MREG: variants seen among roughly 807,000 people sequenced by gnomAD.
MREG encodes the protein dilute suppressor protein homolog.
MREG carries 31 observed loss-of-function variants against 28.5 expected under a neutral mutation model. The ratio of observed to expected loss-of-function variants is 1.09; its 90% confidence interval spans 0.82 to 1.47. MREG has a LOEUF of 1.47. Among genes scored for constraint, MREG ranks in the 40% most tolerant of loss-of-function variants. The pLI is 0.00. For synonymous variants in MREG, 106 were observed against 95.2 expected (o/e 1.11, Z -0.66); for missense variants, 256 against 257.4 (o/e 0.99, Z 0.04).
intron 2 of MREG, among the ~76,000 whole-genome samples, chr2:215,975,915 G>A (rs183081073): frequency 3.7e-4 from 57 of 152,214 alleles, no homozygotes; most frequent in African/African-American, 1.3e-3. Flanking sequence ...GTGAAACACT[G>A]TCTCTACTAA....
chr2:216,014,888 A>G (rs1694408267), upstream of MREG, among the ~76,000 whole-genome samples: 1 of 152,196 alleles, frequency 6.6e-6, no homozygotes, highest in Non-Finnish European at 1.5e-5. Flanking sequence ...TGATTTATTC[A>G]ACAAATATTT....
chr2:215,987,758 C>A (rs922452984), intron 2 of MREG, among the ~76,000 whole-genome samples: 1 of 151,936 alleles, frequency 6.6e-6, no homozygotes, highest in African/African-American at 2.4e-5. Context: ...TAAAAATTAG[C>A]CGGGTGTGGT....
chr2:215,988,213 C>A lies in MREG; in HGVS notation c.255+8093G>T, dbSNP rs117158786. ...AGGTACCTGGCTTATCTCATTGGGA[C>A]TGGTTAGACAGTTGGTGCAGCCCAC... On this transcript the variant is annotated intron_variant, in intron 2 of 4. Coordinates refer to ENST00000263268, the MANE Select transcript of MREG (RefSeq NM_018000.3). Among the ~76,000 whole-genome samples, 119 of 152,228 alleles carry A rather than the reference C, an allele frequency of 7.8e-4. No homozygotes were observed. In the East Asian group the frequency reaches 0.019, roughly 24 times the overall value.
In MREG at chr2:215,944,069, GC is replaced by G. The variant is rs1692255684; in HGVS notation, c.*793del. On this transcript the variant is annotated 3_prime_UTR_variant, in exon 5 of 5. Coordinates refer to ENST00000263268, the MANE Select transcript of MREG (RefSeq NM_018000.3). ...ATCTCGGCTCACTGTAACCTCCACT[GC>G]CCGGGCTCAAGCGATTCTCCTACCT... 7.7e-6 allele frequency: 1 copy of G among 130,646 alleles called. No homozygotes were observed. The highest frequency in any genetic ancestry group is 2.9e-5 in the African/African-American group (1 of 34,066). 8.1% of individuals were successfully genotyped at this position (130,646 alleles called of 1,614,324 possible). A position where few individuals can be genotyped will look rare whatever the true frequency, so the allele number is the denominator to read the frequency against.
intron 2 of MREG, among the ~76,000 whole-genome samples, chr2:215,951,100 C>G (rs901804048): frequency 3.3e-5 from 5 of 152,236 alleles, no homozygotes; most frequent in East Asian, 1.9e-4. Context: ...TTTCCTGAGG[C>G]CTCCCAGCCA....
At chr2:215,991,226 G>A (rs1035385704) in intron 2 of MREG, among the ~76,000 whole-genome samples, 1 of 152,152 alleles carries the variant, frequency 6.6e-6, no homozygotes, top group Non-Finnish European at 1.5e-5. Flanking sequence ...TAGAACTCAG[G>A]ATTAAGAAAC....
chr2:215,941,457 A>G (rs1346322721), downstream of MREG, among the ~76,000 whole-genome samples: 1 of 152,162 alleles, frequency 6.6e-6, no homozygotes, highest in Non-Finnish European at 1.5e-5. Flanking sequence ...CTGGTCCTGA[A>G]GTATCACTGT....
intron 1 of MREG, among the ~76,000 whole-genome samples, chr2:216,006,771 C>A (rs1371801172): frequency 6.6e-6 from 1 of 152,204 alleles, no homozygotes; most frequent in Non-Finnish European, 1.5e-5. Flanking sequence ...AAATGAAAAA[C>A]CCTACAAATG....
rs766434130 is a variant in MREG at position 215,964,828 on chromosome 2, TAGAC to T, written c.256-17719_256-17716del. Among the ~76,000 whole-genome samples the T allele has an allele frequency of 2.1e-3, 309 of 146,720 alleles. 1 individual carries two copies. Among genetic ancestry groups the T allele is most frequent in the Admixed American group, 3.6e-3 (51 of 14,240 alleles). The stretch of plus-strand genomic sequence containing the variant: ...CCCAAGAATTCCAGTTCTAAGAATC[TAGAC>T]AGACAGACAGATAGATAGATAGATA... On this transcript the variant is annotated intron_variant, in intron 2 of 4. Transcript: ENST00000263268.
At chr2:216,013,149 C>T (rs1694356677) in intron 1 of MREG, 84 bp downstream of exon 1, 3 of 1,241,432 alleles carry the variant, frequency 2.4e-6, no homozygotes, top group Admixed American at 2.2e-5. Flanking sequence ...CTCCCCAACT[C>T]ACACAAGCAC....
chr2:215,974,844 ACACACACACTCT>A (rs1693202044), intron 2 of MREG, among the ~76,000 whole-genome samples: 2 of 147,324 alleles, frequency 1.4e-5, no homozygotes, highest in African/African-American at 5.0e-5. Flanking sequence ...ACACACACAC[ACACACACACTCT>A]CTCTCTCTCT....
At chr2:215,957,738 A>C (rs934406247) in intron 2 of MREG, among the ~76,000 whole-genome samples, 1 of 152,032 alleles carries the variant, frequency 6.6e-6, no homozygotes, top group South Asian at 2.1e-4. Flanking sequence ...CCCAGCTCTC[A>C]TCTCAAAAGG....
At chr2:215,945,109 G>T (rs1692286642) in intron 4 of MREG, 112 bp from the exon 5 acceptor site, 2 of 1,099,606 alleles carry the variant, frequency 1.8e-6, no homozygotes, top group Non-Finnish European at 2.5e-6. Context: ...ATGACAATGA[G>T]CAAGTAAGAC....
chr2:215,987,771 C>T (rs971746528), intron 2 of MREG, among the ~76,000 whole-genome samples: 3 of 151,946 alleles, frequency 2.0e-5, no homozygotes, highest in South Asian at 2.1e-4. Flanking sequence ...GGTGTGGTGG[C>T]GCATGCCTGT....
In MREG at chr2:215,966,539, A is replaced by C. The variant is rs966440490; in HGVS notation, c.256-19426T>G. 3.3e-5 allele frequency among the ~76,000 whole-genome samples: 5 copies of C among 152,242 alleles called. No individual in the cohort carries two copies. The East Asian group carries it at 9.6e-4, about 29-fold the overall frequency. On this transcript the variant is annotated intron_variant, in intron 2 of 4. Transcript: ENST00000263268. ...GCAGTATGTTGTGCTTGTCAATGGCAATAGGGTTCCTTTAACAGCTGAGAA... is the reference window on the plus strand; with the variant it reads ...GCAGTATGTTGTGCTTGTCAATGGCCATAGGGTTCCTTTAACAGCTGAGAA...
chr2:216,013,834 A>G (rs1444010233), upstream of MREG, among the ~76,000 whole-genome samples: 10 of 152,140 alleles, frequency 6.6e-5, no homozygotes, highest in Non-Finnish European at 1.5e-5. Flanking sequence ...CCTTCAAAGC[A>G]GAGTTTTGGG....
intron 2 of MREG, among the ~76,000 whole-genome samples, chr2:215,961,629 G>A (rs923947330): frequency 2.0e-5 from 3 of 152,032 alleles, no homozygotes; most frequent in Admixed American, 1.3e-4. Flanking sequence ...GTTTCATCAC[G>A]TTGGCCAGGC....
In MREG at chr2:216,030,956, T is replaced by TCACA. The variant is rs1219074422; in HGVS notation, c.-68+1829_-68+1832dup. ...CTCTCTCTCTCTCTCTCTCTCTCTC[T>TCACA]CACACACACACACACACACACACAC... On this transcript the variant is annotated intron_variant, in intron 1 of 3. Coordinates refer to the MREG transcript ENST00000420348. Among the ~76,000 whole-genome samples the TCACA allele has an allele frequency of 3.2e-3, 365 of 113,360 alleles. 1 individual carries two copies. Among genetic ancestry groups the TCACA allele is most frequent in the African/African-American group, 6.6e-3 (174 of 26,268 alleles). 74.4% of individuals were successfully genotyped at this position (113,360 alleles called of 152,430 possible). A position where few individuals can be genotyped will look rare whatever the true frequency, so the allele number is the denominator to read the frequency against.
intron 2 of MREG, among the ~76,000 whole-genome samples, chr2:215,971,161 G>A (rs1189250140): frequency 1.3e-5 from 2 of 152,126 alleles, no homozygotes; most frequent in Non-Finnish European, 2.9e-5. Flanking sequence ...CAAGGAGAGG[G>A]AGAGCATTAG....
Sources: gnomAD v4.1 joint callset for allele counts (sites outside exome capture counted in the v4.1 genomes callset) on GRCh38, gnomAD v4.1.1 for gene constraint, MANE v1.5 for transcripts, NCBI Gene and HGNC (gene_info 2026-07-23, HGNC 2026-07-21) for gene names.